The following DOCK8 variants were observed in gnomAD, a reference collection of about 807,000 sequenced individuals.
DOCK8 encodes dedicator of cytokinesis 8.
DOCK8 carries 141 observed loss-of-function variants against 245.6 expected under a neutral mutation model. The ratio of observed to expected loss-of-function variants is 0.57; its 90% CI spans 0.50 to 0.66. The LOEUF is 0.66. Ranked by LOEUF, DOCK8 falls within the 30% of genes least tolerant of loss-of-function variation. The pLI is 0.00. For synonymous variants in DOCK8, 1,168 were observed against 970.2 expected, an observed-to-expected ratio of 1.20 and a Z score of -3.79; for missense variants, 2,965 against 2,603.4, an observed-to-expected ratio of 1.14 and a Z score of -3.02.
At chr9:344,772 G>T (rs1353474703) in intron 14 of DOCK8, among the ~76,000 whole-genome samples, 3 of 152,174 alleles carry the variant, frequency 2.0e-5, no homozygotes. Flanking sequence ...TTTGGGCCAG[G>T]TGTGGTGGCT....
At chr9:218,186 T>G (rs190407092) in intron 1 of DOCK8, among the ~76,000 whole-genome samples, 1 of 152,308 alleles carries the variant, frequency 6.6e-6, no homozygotes, top group Non-Finnish European at 1.5e-5. Flanking sequence ...ATATGGCCAT[T>G]AGTACATTCA....
At chr9:450,826 A>T (rs777489522) in intron 45 of DOCK8, among the ~76,000 whole-genome samples, 1 of 151,598 alleles carries the variant, frequency 6.6e-6, no homozygotes, top group Non-Finnish European at 1.5e-5. Flanking sequence ...TACACGATGG[A>T]TATCTCTGAC....
intron 4 of DOCK8, among the ~76,000 whole-genome samples, chr9:297,202 A>T (rs1357156103): frequency 6.6e-6 from 1 of 152,210 alleles, no homozygotes; most frequent in African/African-American, 2.4e-5. Flanking sequence ...TCCTCACAAT[A>T]GGTCCTCAAA....
intron 1 of DOCK8, chr9:267,919 C>T (rs1480466519): frequency 6.6e-6 from 1 of 152,164 alleles, no homozygotes; most frequent in Non-Finnish European, 1.5e-5. Flanking sequence ...GTGTATATTT[C>T]CCAAAGCGAG....
intron 14 of DOCK8, among the ~76,000 whole-genome samples, chr9:348,054 G>A (rs2051991722): frequency 6.6e-6 from 1 of 152,148 alleles, no homozygotes. Flanking sequence ...CGAGATCACT[G>A]TTGTCATTTT....
intron 23 of DOCK8, among the ~76,000 whole-genome samples, chr9:387,627 T>A (rs1234397617): frequency 6.6e-6 from 1 of 152,130 alleles, no homozygotes; most frequent in Non-Finnish European, 1.5e-5. Context: ...CGGGGCCTGG[T>A]GCTGTGCACT....
At chr9:368,227 T>A in intron 15 of DOCK8, 92 bp downstream of exon 15, 1 of 1,085,080 alleles carries the variant, frequency 9.2e-7, no homozygotes. Context: ...GTGTACAAAG[T>A]CCGTCTATTC....
At chr9:284,196 C>T (rs1011083882) in intron 2 of DOCK8, among the ~76,000 whole-genome samples, 1 of 152,048 alleles carries the variant, frequency 6.6e-6, no homozygotes, top group Non-Finnish European at 1.5e-5. Context: ...GGGGTTGGTC[C>T]TATGGAGGTG....
At chr9:325,096 G>C (rs28699443) in intron 7 of DOCK8, among the ~76,000 whole-genome samples, 6 of 151,208 alleles carry the variant, frequency 4.0e-5, no homozygotes, top group African/African-American at 1.5e-4. Flanking sequence ...ACTTCACTCA[G>C]AATAACAACC....
chr9:319,883 A>G (rs1450955530), intron 7 of DOCK8, among the ~76,000 whole-genome samples: 2 of 152,356 alleles, frequency 1.3e-5, no homozygotes, highest in African/African-American at 4.8e-5. Context: ...AAGTAATCTC[A>G]GCTCTTAGGA....
intron 1 of DOCK8, among the ~76,000 whole-genome samples, chr9:259,005 GA>G (rs112655646): frequency 0.38 from 56,731 of 148,052 alleles, 11,186 homozygotes; most frequent in East Asian, 0.8. Context: ...TTTAGAAAAA[GA>G]AAAAAAAAAA....
In DOCK8 at chr9:334,350, T is replaced by C. The variant is rs201361966; in HGVS notation, c.1251T>C (p.Leu417=). The C allele has an allele frequency of 7.4e-6, 12 of 1,613,926 alleles. No individual in the cohort carries two copies. Among genetic ancestry groups the C allele is most frequent in the Non-Finnish European group, 1.0e-5 (12 of 1,179,910 alleles). The change falls in exon 11 of 48, where the codon CTT becomes CTC. Residue 417 remains leucine, a synonymous_variant. Transcript: ENST00000432829. ...SLSSFFNVST[L]EREVTDVDSV... The stretch of plus-strand genomic sequence containing the variant: ...CAAGCTTCTTCAATGTCTCCACCCT[T>C]GAGAGGGAGGTAACTGATGTGGACT...
intron 43 of DOCK8, among the ~76,000 whole-genome samples, 168 bp from the exon 44 acceptor site, chr9:446,202 G>A (rs1347394971): frequency 6.6e-6 from 1 of 152,224 alleles, no homozygotes; most frequent in East Asian, 1.9e-4. Context: ...GTCCTTGGGG[G>A]TGGAGAGGAG....
At chr9:213,524 A>C (rs1296065688), upstream of DOCK8, 1 of 152,200 alleles carries the variant, frequency 6.6e-6, no homozygotes, top group East Asian at 1.9e-4. Flanking sequence ...CCAAAGTATC[A>C]TTTAACATGC....
chr9:295,416 C>T (rs1436458189), intron 4 of DOCK8, among the ~76,000 whole-genome samples: 1 of 152,102 alleles, frequency 6.6e-6, no homozygotes, highest in Non-Finnish European at 1.5e-5. Context: ...TCCCAATATT[C>T]CCTCCAAGTG....
At chr9:214,686 G>C (rs772400173), upstream of DOCK8, 8 of 1,577,418 alleles carry the variant, frequency 5.1e-6, no homozygotes, top group Non-Finnish European at 5.2e-6. Flanking sequence ...CGGGCAGAGC[G>C]CGCCGTCTGC....
In DOCK8 at chr9:418,273, G is replaced by A. The variant is rs1303804547; in HGVS notation, c.3840+66G>A. 9 of 1,577,814 alleles carry A rather than the reference G, an allele frequency of 5.7e-6. No homozygotes were observed. In the Admixed American group the frequency reaches 8.4e-5, roughly 15 times the overall value. ...TGTCTTCTGTCTTCTGTTTTGTTTT[G>A]TTTGTTTGTTTGTTTTGAGACAGAG... On this transcript the variant is annotated intron_variant, in intron 30 of 47. Transcript: ENST00000432829.
intron 14 of DOCK8, among the ~76,000 whole-genome samples, chr9:345,669 C>G (rs1046752999): frequency 6.6e-6 from 1 of 152,156 alleles, no homozygotes; most frequent in Non-Finnish European, 1.5e-5. Flanking sequence ...GCCTTCCAGT[C>G]CCCAGCCTCA....
chr9:284,093 T>C (rs957539973), intron 2 of DOCK8, among the ~76,000 whole-genome samples: 2 of 152,200 alleles, frequency 1.3e-5, no homozygotes, highest in Non-Finnish European at 2.9e-5. Flanking sequence ...AAATGCAGTT[T>C]CATAATTTCC....
Sources: allele counts gnomAD v4.1 joint callset (sites outside exome capture counted in the v4.1 genomes callset), GRCh38; gene constraint gnomAD v4.1.1; transcripts MANE v1.5; gene names NCBI Gene and HGNC (gene_info 2026-07-23, HGNC 2026-07-21).